The following PREX2 variants were observed in gnomAD, a reference collection of about 807,000 sequenced individuals.
The protein encoded by PREX2 is phosphatidylinositol-3,4,5-trisphosphate dependent Rac exchange factor 2.
In PREX2, 107 loss-of-function variants were observed where a neutral mutation model predicts 203.2. The observed-to-expected ratio is 0.53, with a 90% CI of 0.45 to 0.62. The LOEUF (loss-of-function observed/expected upper bound fraction) is 0.62. Ranked by LOEUF, PREX2 falls within the 20% of genes least tolerant of loss-of-function variation. PREX2 has a pLI of 0.00. For synonymous variants in PREX2, 672 were observed against 663.6 expected (o/e 1.01, Z -0.19); for missense variants, 1,777 against 1,955.9 (o/e 0.91, Z 1.72).
chr8:67,974,889 C>A (rs1381086539), intron 1 of PREX2, among the ~76,000 whole-genome samples: 1 of 152,118 alleles, frequency 6.6e-6, no homozygotes, highest in African/African-American at 2.4e-5. Flanking sequence ...AGTTGTAAGA[C>A]CATGTAGGAA....
intron 1 of PREX2, among the ~76,000 whole-genome samples, chr8:67,970,323 A>G (rs1452702929): frequency 1.3e-5 from 2 of 152,212 alleles, no homozygotes; most frequent in South Asian, 4.1e-4. Flanking sequence ...AAAATATAAT[A>G]AATAAAAAGG....
intron 35 of PREX2, among the ~76,000 whole-genome samples, chr8:68,158,552 A>G (rs1225734220): frequency 6.6e-6 from 1 of 152,140 alleles, no homozygotes; most frequent in Non-Finnish European, 1.5e-5. Context: ...TGATTTACAG[A>G]AATAACATTG....
chr8:68,095,539 GTGTGTGTGTGTGTGTGTGTATCTA>G (rs1810037596), intron 21 of PREX2, among the ~76,000 whole-genome samples: 1 of 135,610 alleles, frequency 7.4e-6, no homozygotes, highest in Non-Finnish European at 1.6e-5. Context: ...ATACATATAT[GTGTGTGTGTGTGTGTGTGTATCTA>G]TGTGTGTGTG....
At chr8:68,073,309 G>C (rs1020601088) in intron 14 of PREX2, among the ~76,000 whole-genome samples, 1 of 151,398 alleles carries the variant, frequency 6.6e-6, no homozygotes, top group African/African-American at 2.4e-5. Context: ...TACTATTTTG[G>C]GGGAGGGGAT....
intron 10 of PREX2, among the ~76,000 whole-genome samples, chr8:68,057,629 G>T (rs539536845): frequency 2.9e-4 from 44 of 152,268 alleles, no homozygotes; most frequent in Admixed American, 9.8e-4. Flanking sequence ...TGGCAAAGAA[G>T]CCCTGTGCAG....
At chr8:68,030,117 A>G (rs916923979) in intron 5 of PREX2, among the ~76,000 whole-genome samples, 2 of 152,126 alleles carry the variant, frequency 1.3e-5, no homozygotes, top group African/African-American at 4.8e-5. Flanking sequence ...ATACTTAAAG[A>G]TTTGTTATTC....
intron 9 of PREX2, among the ~76,000 whole-genome samples, chr8:68,054,732 C>T (rs1322042415): frequency 6.6e-6 from 1 of 152,150 alleles, no homozygotes; most frequent in Non-Finnish European, 1.5e-5. Context: ...ACTTTATGTC[C>T]AGCCTTGCCC....
chr8:68,197,521 C>G (rs532613638), intron 37 of PREX2, among the ~76,000 whole-genome samples: 53 of 151,998 alleles, frequency 3.5e-4, no homozygotes, highest in African/African-American at 1.2e-3. Flanking sequence ...TATAAATCAC[C>G]CAGTCTCAGG....
chr8:68,206,353 C>A (rs566985102), intron 37 of PREX2, among the ~76,000 whole-genome samples: 1 of 152,168 alleles, frequency 6.6e-6, no homozygotes, highest in Non-Finnish European at 1.5e-5. Context: ...CTTTTGATAG[C>A]GAATCCATCT....
At chr8:68,231,194 T>C (rs1813163709) in intron 39 of PREX2, 139 bp from the exon 40 acceptor site, 1 of 559,570 alleles carries the variant, frequency 1.8e-6, no homozygotes, top group Non-Finnish European at 2.8e-6. Flanking sequence ...ATTCATATGT[T>C]ATTTTTAGTG....
rs1383891743 is a variant in PREX2 at position 68,228,544 on chromosome 8, T to C, written c.4776-2789T>C. ...TTGGGAGGCCGAGGCAGGCGGATCA[T>C]GCGGTCAGGAGATCAAGACCATCCT... On this transcript the variant is annotated intron_variant, in intron 39 of 39. Coordinates refer to ENST00000288368, the MANE Select transcript of PREX2 (RefSeq NM_024870.4). Among the ~76,000 whole-genome samples the C allele has an allele frequency of 3.3e-5, 5 of 151,916 alleles. No homozygotes were observed. The East Asian group carries it at 9.7e-4, about 29-fold the overall frequency.
chr8:68,226,117 A>G (rs1411045752), intron 39 of PREX2, among the ~76,000 whole-genome samples: 2 of 152,240 alleles, frequency 1.3e-5, no homozygotes, highest in Non-Finnish European at 2.9e-5. Context: ...CATTATCTAC[A>G]AGGGAGTAAT....
chr8:68,012,745 C>T lies in PREX2; in HGVS notation c.142-5101C>T, dbSNP rs1054102734. On this transcript the variant is annotated intron_variant, in intron 1 of 39. Transcript: ENST00000288368. ...CTATTTCAAAGATGAAAAGATGCTG[C>T]TCATATTCTGTAGGAACAAAGTAAC... 7.2e-5 allele frequency among the ~76,000 whole-genome samples: 11 copies of T among 152,144 alleles called. No individual in the cohort carries two copies. In the South Asian group the frequency reaches 2.3e-3, roughly 32 times the overall value.
intron 25 of PREX2, among the ~76,000 whole-genome samples, chr8:68,111,597 A>C (rs1810535355): frequency 6.6e-6 from 1 of 152,160 alleles, no homozygotes; most frequent in South Asian, 2.1e-4. Context: ...ACCTCTACCC[A>C]ACTGAGTGTG....
intron 39 of PREX2, among the ~76,000 whole-genome samples, chr8:68,227,451 A>G (rs769693131): frequency 7.9e-5 from 12 of 152,160 alleles, no homozygotes; most frequent in Non-Finnish European, 4.4e-5. Flanking sequence ...TAGTACTGAG[A>G]TTGAGCATCA....
At position 68,069,897 on chromosome 8, in the gene PREX2, T is replaced by C. The variant is rs1809145549; in HGVS notation, c.1493+13T>C. The C allele has an allele frequency of 1.3e-6, 2 of 1,489,602 alleles. No individual in the cohort carries two copies. The highest frequency in any genetic ancestry group is 1.8e-6 in the Non-Finnish European group (2 of 1,081,336). The allele number at this position is 1,489,602 out of a possible 1,614,324, so 92.3% of individuals were successfully genotyped here. A position where few individuals can be genotyped will look rare whatever the true frequency, so the allele number is the denominator to read the frequency against. ...CTCCAGTGATAAGGTGAGTCTGGTTTTTAAGTTCTGGGAAACTTAAATGGA... is the reference window on the plus strand; with the variant it reads ...CTCCAGTGATAAGGTGAGTCTGGTTCTTAAGTTCTGGGAAACTTAAATGGA... On this transcript the variant is annotated intron_variant, in intron 13 of 39. Transcript: ENST00000288368.
At chr8:68,068,688 A>G (rs1418980053) in intron 11 of PREX2, among the ~76,000 whole-genome samples, 1 of 152,092 alleles carries the variant, frequency 6.6e-6, no homozygotes, top group Non-Finnish European at 1.5e-5. Flanking sequence ...AGAAACAGAA[A>G]ACACAAAATC....
chr8:68,025,010 C>G (rs548023041), intron 4 of PREX2, among the ~76,000 whole-genome samples: 14 of 151,840 alleles, frequency 9.2e-5, no homozygotes, highest in Admixed American at 3.9e-4. Flanking sequence ...TTATAAACTT[C>G]ACAACACAGT....
At chr8:68,058,581 A>G (rs1808748733) in intron 10 of PREX2, among the ~76,000 whole-genome samples, 1 of 149,844 alleles carries the variant, frequency 6.7e-6, no homozygotes, top group African/African-American at 2.4e-5. Flanking sequence ...TTACAGGTGC[A>G]TGCCACCACA....
Sources: allele counts gnomAD v4.1 joint callset (sites outside exome capture counted in the v4.1 genomes callset), GRCh38; gene constraint gnomAD v4.1.1; transcripts MANE v1.5; gene names NCBI Gene and HGNC (gene_info 2026-07-23, HGNC 2026-07-21).